Variants in DENND1B observed in about 807,000 individuals in gnomAD.
DENND1B encodes the protein DENN domain-containing protein 1B.
In DENND1B, 59 loss-of-function variants were observed where a neutral mutation model predicts 90.1. The observed-to-expected ratio is 0.65, with a 90% CI of 0.53 to 0.81. The LOEUF (loss-of-function observed/expected upper bound fraction) is 0.81, where lower values mean the gene tolerates loss of function less well. Ranked by LOEUF, DENND1B falls within the 40% of genes least tolerant of loss-of-function variation. DENND1B has a pLI of 0.00. For missense variants in DENND1B, 862 were observed against 912.6 expected (o/e 0.94, Z 0.71); for synonymous variants, 337 against 324.6 (o/e 1.04, Z -0.41).
chr1:197,731,714 AG>A (rs909118715), intron 2 of DENND1B, among the ~76,000 whole-genome samples: 1 of 152,216 alleles, frequency 6.6e-6, no homozygotes, highest in African/African-American at 2.4e-5. Flanking sequence ...AGCAAAAAAA[AG>A]GAAAAACTTT....
intron 15 of DENND1B, among the ~76,000 whole-genome samples, chr1:197,574,368 G>A (rs1470417712): frequency 6.6e-6 from 1 of 152,014 alleles, no homozygotes; most frequent in East Asian, 1.9e-4. Context: ...AAAATACCTA[G>A]GAATCCAACT....
chr1:197,524,182 A>G lies in DENND1B; in HGVS notation c.1516-11229T>C, dbSNP rs571385870. On this transcript the variant is annotated intron_variant, in intron 20 of 22. Transcript: ENST00000620048. The stretch of plus-strand genomic sequence containing the variant: ...ATCCAAGAACTGAGGGATATTAGAA[A>G]CCAGTCTAATTCATTCTGCTCCCAA... Among the ~76,000 whole-genome samples, 3 of 152,238 alleles carry G rather than the reference A, an allele frequency of 2.0e-5. No homozygotes were observed. In the South Asian group the frequency reaches 6.2e-4, roughly 32 times the overall value.
intron 20 of DENND1B, among the ~76,000 whole-genome samples, chr1:197,536,138 TTGAGAGAGAGAGAGAGAG>T (rs1669870520): frequency 1.1e-5 from 1 of 88,876 alleles, no homozygotes; most frequent in Non-Finnish European, 2.7e-5. Context: ...GAGAGAGAGA[TTGAGAGAGAGAGAGAGAG>T]AGATAGATGA....
At chr1:197,526,617 T>A (rs568629741) in intron 20 of DENND1B, among the ~76,000 whole-genome samples, 1 of 152,234 alleles carries the variant, frequency 6.6e-6, no homozygotes, top group East Asian at 1.9e-4. Flanking sequence ...GCAATAAATT[T>A]GAAGAGTAAA....
At chr1:197,671,416 G>A (rs1458563709) in intron 5 of DENND1B, among the ~76,000 whole-genome samples, 2 of 152,126 alleles carry the variant, frequency 1.3e-5, no homozygotes, top group East Asian at 3.8e-4. Context: ...GGACAGATAG[G>A]ACCTTTGGAA....
intron 2 of DENND1B, among the ~76,000 whole-genome samples, chr1:197,725,085 T>C (rs1468959245): frequency 6.6e-6 from 1 of 152,062 alleles, no homozygotes; most frequent in Non-Finnish European, 1.5e-5. Flanking sequence ...TTTCCAAAAC[T>C]GATAAAAGAC....
At chr1:197,565,653 C>T (rs971650785) in intron 15 of DENND1B, among the ~76,000 whole-genome samples, 1 of 125,982 alleles carries the variant, frequency 7.9e-6, no homozygotes, top group African/African-American at 3.0e-5. Context: ...CCCCACCCCA[C>T]AACAGTCCCC....
intron 10 of DENND1B, among the ~76,000 whole-genome samples, chr1:197,636,687 T>C (rs1679823062): frequency 6.6e-6 from 1 of 152,194 alleles, no homozygotes; most frequent in African/African-American, 2.4e-5. Context: ...CTATAATTAT[T>C]AATAACATCA....
intron 15 of DENND1B, 142 bp downstream of exon 15, chr1:197,583,010 T>C: frequency 1.5e-6 from 1 of 671,856 alleles, no homozygotes. Flanking sequence ...CATAACTAGC[T>C]ACGACTTACA....
intron 7 of DENND1B, among the ~76,000 whole-genome samples, chr1:197,651,315 A>C (rs895444799): frequency 1.3e-5 from 2 of 152,100 alleles, no homozygotes; most frequent in African/African-American, 4.8e-5. Flanking sequence ...AAGCATTTAC[A>C]AAAACTCCCA....
At chr1:197,513,620 T>C (rs1174810730) in intron 20 of DENND1B, among the ~76,000 whole-genome samples, 2 of 151,608 alleles carry the variant, frequency 1.3e-5, no homozygotes, top group Non-Finnish European at 3.0e-5. Context: ...AACAACTTTT[T>C]AAAAAACATA....
chr1:197,741,772 A>G (rs1663235768), intron 2 of DENND1B, among the ~76,000 whole-genome samples: 1 of 152,128 alleles, frequency 6.6e-6, no homozygotes. Flanking sequence ...ATACACTCAA[A>G]AAGAAAAAAA....
At chr1:197,704,195 G>A (rs1659304579) in intron 3 of DENND1B, among the ~76,000 whole-genome samples, 1 of 152,052 alleles carries the variant, frequency 6.6e-6, no homozygotes, top group South Asian at 2.1e-4. Context: ...CTTCAGTCTG[G>A]GAGCCAGTCA....
chr1:197,580,087 C>CTTTTTTTTTTTTTTTTTTTTTTTTTTT (rs139056668), intron 15 of DENND1B, among the ~76,000 whole-genome samples: 2 of 76,744 alleles, frequency 2.6e-5, no homozygotes, highest in Non-Finnish European at 4.6e-5. Flanking sequence ...TTCTTTCTTT[C>CTTTTTTTTTTTTTTTTTTTTTTTTTTT]TTTTTTTTTT....
chr1:197,593,209 T>G (rs976474991), intron 14 of DENND1B, among the ~76,000 whole-genome samples: 12 of 151,580 alleles, frequency 7.9e-5, no homozygotes, highest in African/African-American at 2.4e-4. Flanking sequence ...CAAAAAGAAA[T>G]AAATCATTTT....
chr1:197,764,068 C>T lies in DENND1B; in HGVS notation c.82+8800G>A, dbSNP rs137921124. On this transcript the variant is annotated intron_variant, in intron 2 of 22. Transcript: ENST00000620048. ...AGAATCAGTCAGGGGTTTTCTAAAA[C>T]GAGTGGCTTTTTAAAGTTGCTGCAG... 2.3e-3 allele frequency among the ~76,000 whole-genome samples: 347 copies of T among 152,280 alleles called. 1 individual carries two copies. Among genetic ancestry groups the T allele is most frequent in the African/African-American group, 7.8e-3 (325 of 41,564 alleles).
chr1:197,589,003 C>T (rs768109605), intron 14 of DENND1B, among the ~76,000 whole-genome samples: 5 of 151,940 alleles, frequency 3.3e-5, no homozygotes, highest in Admixed American at 6.6e-5. Context: ...GTTCTATTTA[C>T]CTATGATTCA....
Position 197,647,041 on chromosome 1 carries a change from T to C in DENND1B, c.507+14A>G, listed in dbSNP as rs1680783707. On this transcript the variant is annotated intron_variant, in intron 8 of 22. Transcript: ENST00000620048. ...TAATAGTGATTTTTAGAAGCCAATGTCCTTTTAACTCACCGGTACTAGAGC... is the reference window on the plus strand; with the variant it reads ...TAATAGTGATTTTTAGAAGCCAATGCCCTTTTAACTCACCGGTACTAGAGC... 7 of 1,462,182 alleles carry C rather than the reference T, an allele frequency of 4.8e-6. No homozygotes were observed. Among genetic ancestry groups the C allele is most frequent in the Middle Eastern group, 3.5e-4 (2 of 5,702 alleles). 90.6% of individuals were successfully genotyped at this position (1,462,182 alleles called of 1,614,324 possible). A position where few individuals can be genotyped will look rare whatever the true frequency, so the allele number is the denominator to read the frequency against.
intron 3 of DENND1B, among the ~76,000 whole-genome samples, chr1:197,687,053 T>A (rs766392324): frequency 1.3e-5 from 2 of 152,228 alleles, no homozygotes; most frequent in Non-Finnish European, 2.9e-5. Context: ...CAATACAATG[T>A]CTAGCATGTT....
Sources: gnomAD v4.1 joint callset for allele counts (sites outside exome capture counted in the v4.1 genomes callset) on GRCh38, gnomAD v4.1.1 for gene constraint, MANE v1.5 for transcripts, NCBI Gene and HGNC (gene_info 2026-07-23, HGNC 2026-07-21) for gene names.